KHK: variants seen among roughly 807,000 people sequenced by gnomAD.
KHK encodes ketohexokinase.
In KHK, 37 loss-of-function variants were observed where a neutral mutation model predicts 36.0. The observed-to-expected ratio is 1.03, with a 90% CI of 0.79 to 1.35. The LOEUF is 1.35. Among genes scored for constraint, KHK ranks in the 40% most tolerant of loss-of-function variants. The probability of loss-of-function intolerance (pLI) is 0.00; values close to 1 mark genes in which losing one functional copy is unlikely to be tolerated. For missense variants in KHK, 395 were observed against 391.9 expected, an observed-to-expected ratio of 1.01 and a Z score of -0.07; for synonymous variants, 161 against 162.8, an observed-to-expected ratio of 0.99 and a Z score of 0.08.
rs886699360 is a variant in KHK, at chr2:27,099,830, T to C, written c.*80T>C. ...CTTCTCCCCTCCATCCAGCCTGGCG[T>C]CCAGGTTGCCCTGTTCAGGGGACAG... On this transcript the variant is annotated 3_prime_UTR_variant, in exon 8 of 8. Coordinates refer to ENST00000260598, the MANE Select transcript of KHK (RefSeq NM_006488.3). 2 of 1,564,266 alleles carry C rather than the reference T, an allele frequency of 1.3e-6. No homozygotes were observed. Among genetic ancestry groups the C allele is most frequent in the Non-Finnish European group, 1.7e-6 (2 of 1,154,830 alleles).
chr2:27,099,200 T>C lies in KHK; in HGVS notation c.569T>C (p.Phe190Ser). The C allele has an allele frequency of 1.2e-6, 2 of 1,614,120 alleles. No homozygotes were observed. Among genetic ancestry groups the C allele is most frequent in the Non-Finnish European group, 1.7e-6 (2 of 1,180,014 alleles). The change falls in exon 6 of 8, where the codon TTT becomes TCT. Residue 190 changes from phenylalanine to serine, a missense_variant. Coordinates refer to ENST00000260598, the MANE Select transcript of KHK (RefSeq NM_006488.3). ...CTTCTCTTCCACTGCCCACAGGTGT[T>C]TGTCAGCAAAGATGTGGCCAAGCAC... is the stretch of plus-strand genomic sequence containing the variant. Reference protein sequence around the residue: ...FQLFGYGDVVFVSKDVAKHLG... With the variant: ...FQLFGYGDVVSVSKDVAKHLG...
At chr2:27,089,082 T>A (rs1477420364) in intron 1 of KHK, among the ~76,000 whole-genome samples, 1 of 152,144 alleles carries the variant, frequency 6.6e-6, no homozygotes, top group Non-Finnish European at 1.5e-5. Flanking sequence ...TTTATACAGA[T>A]AAGGAAGCTG....
intron 4 of KHK, among the ~76,000 whole-genome samples, chr2:27,097,068 T>C (rs1309716371): frequency 6.6e-6 from 1 of 152,194 alleles, no homozygotes; most frequent in African/African-American, 2.4e-5. Context: ...GGCTGCCCCA[T>C]TGCCTCCAAC....
At chr2:27,090,548 G>A (rs553474520) in intron 1 of KHK, among the ~76,000 whole-genome samples, 1 of 141,440 alleles carries the variant, frequency 7.1e-6, no homozygotes, top group South Asian at 2.3e-4. Context: ...TCTGCCTCCC[G>A]GGTTCAAAAG....
At chr2:27,093,902 A>G (rs553751694) in intron 2 of KHK, among the ~76,000 whole-genome samples, 2 of 152,302 alleles carry the variant, frequency 1.3e-5, no homozygotes, top group Non-Finnish European at 2.9e-5. Flanking sequence ...CTGCAGGAGG[A>G]CAAAGCAGTG....
chr2:27,098,473 T>C lies in KHK; in HGVS notation c.565-723T>C, dbSNP rs1442769376. The stretch of plus-strand genomic sequence containing the variant: ...TCAAGATTGCAAGACCCTGTCTCTA[T>C]ACAAAAAAAAAAAAAAAAAATTCCT... On this transcript the variant is annotated intron_variant, in intron 5 of 7. Coordinates refer to ENST00000260598, the MANE Select transcript of KHK (RefSeq NM_006488.3). 3.8e-5 allele frequency among the ~76,000 whole-genome samples: 4 copies of C among 104,072 alleles called. No homozygotes were observed. The South Asian group carries it at 7.6e-4, about 20-fold the overall frequency. The allele number at this position is 104,072 out of a possible 152,430, so 68.3% of individuals were successfully genotyped here. A position where few individuals can be genotyped will look rare whatever the true frequency, so the allele number is the denominator to read the frequency against.
intron 5 of KHK, among the ~76,000 whole-genome samples, chr2:27,098,145 T>G (rs1670514582): frequency 6.6e-6 from 1 of 152,148 alleles, no homozygotes; most frequent in African/African-American, 2.4e-5. Context: ...AATCCCAGCA[T>G]CATAGCAGAA....
At chr2:27,094,725 T>C in intron 2 of KHK, 75 bp from the exon 3 acceptor site, 3 of 1,613,120 alleles carry the variant, frequency 1.9e-6, no homozygotes, top group Non-Finnish European at 2.5e-6. Context: ...CCCCACTCCT[T>C]TTGGAGGTCC....
chr2:27,096,151 G>A (rs1670320961), intron 3 of KHK, among the ~76,000 whole-genome samples: 1 of 152,178 alleles, frequency 6.6e-6, no homozygotes, highest in African/African-American at 2.4e-5. Flanking sequence ...GAGGTCTCTG[G>A]CTCAGGAGGG....
chr2:27,100,747 T>G lies in KHK; in HGVS notation c.*997T>G. On this transcript the variant is annotated 3_prime_UTR_variant, in exon 8 of 8. Transcript: ENST00000260598. ...AAAATCATATATAAAATGCCCAGCA[T>G]GATGCCTGATGTGTACAAGGCTCTC... 2.6e-6 allele frequency: 3 copies of G among 1,156,566 alleles called. No homozygotes were observed. Among genetic ancestry groups the G allele is most frequent in the Non-Finnish European group, 3.3e-6 (3 of 914,690 alleles). The allele number at this position is 1,156,566 out of a possible 1,614,324, so 71.6% of individuals were successfully genotyped here. A position where few individuals can be genotyped will look rare whatever the true frequency, so the allele number is the denominator to read the frequency against.
At position 27,090,573 on chromosome 2, in the gene KHK, G is replaced by A. The variant is rs928911836; in HGVS notation, c.93-1759G>A. Among the ~76,000 whole-genome samples, 8 of 148,852 alleles carry A rather than the reference G, an allele frequency of 5.4e-5. No individual in the cohort carries two copies. In the Admixed American group the frequency reaches 5.4e-4, roughly 10 times the overall value. ...GGGTTCAAAAGATTCTCCTGCCTCA[G>A]CCTCCCGAGTAGCAGGGATTACAGG... On this transcript the variant is annotated intron_variant, in intron 1 of 7. Transcript: ENST00000260598.
chr2:27,093,856 G>A (rs1040331016), intron 2 of KHK, among the ~76,000 whole-genome samples: 2 of 152,206 alleles, frequency 1.3e-5, no homozygotes, highest in East Asian at 1.9e-4. Context: ...CATCAGGCAC[G>A]GGGAGCCAGC....
In KHK at chr2:27,099,517, G is replaced by T; in HGVS notation, c.751G>T (p.Val251Leu). ...HSDAFPPPRVVDTLGAGDTFN... is the reference protein window; with the variant it reads ...HSDAFPPPRVLDTLGAGDTFN... ...GGATGCTTTCCCGCCACCCCGCGTG[G>T]TGGATACACTGGGAGCTGGAGACAC... The change falls in exon 7 of 8, where the codon GTG becomes TTG. Residue 251 changes from valine (V) to leucine (L), a missense_variant. Transcript: ENST00000260598. 1 of 1,614,192 alleles carries T rather than the reference G, an allele frequency of 6.2e-7. No individual in the cohort carries two copies. Among genetic ancestry groups the T allele is most frequent in the South Asian group, 1.1e-5 (1 of 91,086 alleles).
Position 27,099,820 on chromosome 2 carries a change from C to T in KHK, c.*70C>T, listed in dbSNP as rs1166026607. 4 of 1,573,872 alleles carry T rather than the reference C, an allele frequency of 2.5e-6. No homozygotes were observed. In the East Asian group the frequency reaches 9.5e-5, roughly 37 times the overall value. The stretch of plus-strand genomic sequence containing the variant: ...GCTGCATCGCCTTCTCCCCTCCATC[C>T]AGCCTGGCGTCCAGGTTGCCCTGTT... On this transcript the variant is annotated 3_prime_UTR_variant, in exon 8 of 8. Coordinates refer to ENST00000260598, the MANE Select transcript of KHK (RefSeq NM_006488.3).
chr2:27,100,085 A>AG lies in KHK; in HGVS notation c.*339dup. On this transcript the variant is annotated 3_prime_UTR_variant, in exon 8 of 8. Coordinates refer to ENST00000260598, the MANE Select transcript of KHK (RefSeq NM_006488.3). Reference sequence around the variant, plus strand: ...TAACCTCTCCGCCCAGGCCCAGAGGAGGGGCTGCCTGGGCTAGAGCAGCGA... The same window carrying AG: ...TAACCTCTCCGCCCAGGCCCAGAGGAGGGGGCTGCCTGGGCTAGAGCAGCGA... 1.7e-6 allele frequency: 1 copy of AG among 595,752 alleles called. No homozygotes were observed. The highest frequency in any genetic ancestry group is 3.0e-6 in the Non-Finnish European group (1 of 336,708). The allele number at this position is 595,752 out of a possible 1,614,324, so 36.9% of individuals were successfully genotyped here. A position where few individuals can be genotyped will look rare whatever the true frequency, so the allele number is the denominator to read the frequency against.
intron 1 of KHK, among the ~76,000 whole-genome samples, chr2:27,089,337 C>T (rs1171431315): frequency 6.6e-6 from 1 of 152,078 alleles, no homozygotes; most frequent in African/African-American, 2.4e-5. Context: ...TAGACCTAAC[C>T]CACTGTGCAA....
rs150233686 is a variant in KHK, at chr2:27,097,555, A to C, written c.470A>C (p.Asn157Thr). ...VKMLQRIDAH[N>T]TRQPPEQKIR... ...ATGCTGCAGCGGATAGACGCACACA[A>C]CACCAGGCAGCCTCCAGAGCAGAAG... Residue 157 changes from asparagine to threonine, a missense_variant, in exon 5 of 8, where the codon AAC (asparagine) becomes ACC (threonine). Transcript: ENST00000260598. 1.7e-4 allele frequency: 276 copies of C among 1,613,886 alleles called. No homozygotes were observed. Among genetic ancestry groups the C allele is most frequent in the Admixed American group, 2.7e-4 (16 of 60,014 alleles).
At chr2:27,092,261 G>A (rs1670054824) in intron 1 of KHK, 71 bp from the exon 2 acceptor site, 1 of 1,142,134 alleles carries the variant, frequency 8.8e-7, no homozygotes, top group Non-Finnish European at 1.3e-6. Context: ...ACATTCTGTA[G>A]GCCCCTATAC....
chr2:27,099,540 C>T lies in KHK; in HGVS notation c.774C>T (p.Asp258=), dbSNP rs747498412. The part of the protein sequence containing the change: ...PRVVDTLGAG[D]TFNASVIFSL... ...TGGTGGATACACTGGGAGCTGGAGA[C>T]ACCTTCAATGCCTCCGTCATCTTCA... The change falls in exon 7 of 8, where the codon GAC becomes GAT. Residue 258 remains aspartate (D), a synonymous_variant. Transcript: ENST00000260598. 5 of 1,614,198 alleles carry T rather than the reference C, an allele frequency of 3.1e-6. No homozygotes were observed. The highest frequency in any genetic ancestry group is 3.3e-5 in the Admixed American group (2 of 60,022).
Sources: allele counts gnomAD v4.1 joint callset (sites outside exome capture counted in the v4.1 genomes callset), GRCh38; gene constraint gnomAD v4.1.1; transcripts MANE v1.5; gene names NCBI Gene and HGNC (gene_info 2026-07-23, HGNC 2026-07-21).